The following TBC1D32 variants were observed in gnomAD, a reference collection of about 807,000 sequenced individuals.
TBC1D32 encodes protein broad-minded.
TBC1D32 carries 151 observed loss-of-function variants against 170.3 expected under a neutral mutation model. The observed-to-expected ratio is 0.89, with a 90% CI of 0.78 to 1.01. The LOEUF (loss-of-function observed/expected upper bound fraction) is 1.01, where lower values mean the gene tolerates loss of function less well. TBC1D32 is among the 50% of genes least tolerant of loss of function. TBC1D32 has a pLI of 0.00. For missense variants in TBC1D32, 1,464 were observed against 1,457.1 expected (o/e 1.00, Z -0.08); for synonymous variants, 498 against 488.0 (o/e 1.02, Z -0.27).
At chr6:121,140,449 G>A (rs962637724) in intron 24 of TBC1D32, among the ~76,000 whole-genome samples, 6 of 151,638 alleles carry the variant, frequency 4.0e-5, no homozygotes, top group Admixed American at 3.3e-4. Context: ...TAAAAGTATT[G>A]GAATGATCTG....
At chr6:121,169,244 G>C (rs1450975720) in intron 22 of TBC1D32, among the ~76,000 whole-genome samples, 2 of 152,090 alleles carry the variant, frequency 1.3e-5, no homozygotes, top group Non-Finnish European at 2.9e-5. Flanking sequence ...GAACAGAATA[G>C]AGAACCTAGA....
intron 20 of TBC1D32, among the ~76,000 whole-genome samples, chr6:121,230,732 T>G (rs1348131622): frequency 6.6e-6 from 1 of 151,920 alleles, no homozygotes; most frequent in Non-Finnish European, 1.5e-5. Context: ...TTTAGTTATT[T>G]AATTTATTTT....
chr6:121,321,698 C>A lies in TBC1D32; in HGVS notation c.252G>T (p.Gln84His), dbSNP rs1178546026. ...CTGTATCATAGCCGCATTCTTCACCCTGATTCCGATCAGATGTGCATTTTT... is the reference window on the plus strand; with the variant it reads ...CTGTATCATAGCCGCATTCTTCACCATGATTCCGATCAGATGTGCATTTTT... ...EMEKCTSDRN[Q>H]GEECGYDTVV... The change falls in exon 2 of 32, where the codon CAG (glutamine) becomes CAT (histidine). Residue 84 changes from glutamine to histidine, a missense_variant. Physicochemically the swap from Gln to His is conservative, Grantham distance 24 (BLOSUM62 0). Coordinates refer to ENST00000398212, the MANE Select transcript of TBC1D32 (RefSeq NM_152730.6). 4 of 1,613,954 alleles carry A rather than the reference C, an allele frequency of 2.5e-6. No homozygotes were observed. In the African/African-American group the frequency reaches 5.3e-5, roughly 22 times the overall value.
chr6:121,115,479 T>C (rs1425483510), intron 26 of TBC1D32: 6 of 337,188 alleles, frequency 1.8e-5, no homozygotes, highest in South Asian at 1.9e-4. Context: ...TACATAACAA[T>C]AGTAGTTTTA....
At chr6:121,168,743 C>T (rs1786511127) in intron 22 of TBC1D32, among the ~76,000 whole-genome samples, 1 of 102,852 alleles carries the variant, frequency 9.7e-6, no homozygotes, top group African/African-American at 3.3e-5. Flanking sequence ...AATCAACATG[C>T]AAAAATCGCT....
At chr6:121,093,507 GA>G (rs1462512342) in intron 30 of TBC1D32, among the ~76,000 whole-genome samples, 1 of 152,098 alleles carries the variant, frequency 6.6e-6, no homozygotes, top group Non-Finnish European at 1.5e-5. Context: ...ATTCGAGAAT[GA>G]AAATAAATAC....
At chr6:121,220,263 C>A (rs528846742) in intron 21 of TBC1D32, among the ~76,000 whole-genome samples, 1 of 152,202 alleles carries the variant, frequency 6.6e-6, no homozygotes, top group South Asian at 2.1e-4. Context: ...AGAAAAAGTT[C>A]TTTAAGGAAA....
intron 3 of TBC1D32, among the ~76,000 whole-genome samples, chr6:121,312,364 T>A (rs978454361): frequency 6.6e-6 from 1 of 152,194 alleles, no homozygotes; most frequent in Admixed American, 6.5e-5. Flanking sequence ...GTAATTTTTT[T>A]AAGTGCTACA....
Position 121,303,671 on chromosome 6 carries a change from C to A in TBC1D32, c.1026G>T (p.Pro342=), listed in dbSNP as rs374800522. The A allele has an allele frequency of 2.5e-6, 4 of 1,596,852 alleles. No homozygotes were observed. The highest frequency in any genetic ancestry group is 2.7e-5 in the African/African-American group (2 of 74,796). ...SHVVSQKILD[P]IYFFALVDTK... ...TATCAACTAATGCAAAAAAGTAGATCGGATCCAAAATCTTTTGTGAGACAA... is the reference window on the plus strand; with the variant it reads ...TATCAACTAATGCAAAAAAGTAGATAGGATCCAAAATCTTTTGTGAGACAA... The change falls in exon 9 of 32, where the codon CCG becomes CCT. Residue 342 remains proline, a synonymous_variant. Coordinates refer to ENST00000398212, the MANE Select transcript of TBC1D32 (RefSeq NM_152730.6).
chr6:121,279,809 T>C (rs1802740628), intron 14 of TBC1D32, among the ~76,000 whole-genome samples: 1 of 151,948 alleles, frequency 6.6e-6, no homozygotes, highest in Non-Finnish European at 1.5e-5. Context: ...AGTACTAAAA[T>C]ACCTTTGCCA....
chr6:121,136,933 A>G (rs1184847799), intron 24 of TBC1D32, among the ~76,000 whole-genome samples: 1 of 152,116 alleles, frequency 6.6e-6, no homozygotes, highest in Admixed American at 6.5e-5. Flanking sequence ...ATAGTTCATA[A>G]TTAGTTATAA....
At chr6:121,241,436 T>C in intron 19 of TBC1D32, 29 bp downstream of exon 19, 1 of 1,567,506 alleles carries the variant, frequency 6.4e-7, no homozygotes, top group Non-Finnish European at 8.7e-7. Flanking sequence ...TTAAAATAAT[T>C]ATAATTCTAA....
intron 21 of TBC1D32, among the ~76,000 whole-genome samples, chr6:121,212,450 C>CTTTT: frequency 9.8e-6 from 1 of 102,104 alleles, no homozygotes; most frequent in Non-Finnish European, 2.1e-5. Context: ...GTCAATATCT[C>CTTTT]TTTTTTTTTT....
chr6:121,230,672 C>CGTGTATATATACACATGT (rs1795628268), intron 20 of TBC1D32, among the ~76,000 whole-genome samples: 1 of 151,224 alleles, frequency 6.6e-6, no homozygotes, highest in South Asian at 2.1e-4. Flanking sequence ...TATACACACA[C>CGTGTATATATACACATGT]GTGTATATAT....
At chr6:121,101,376 A>C (rs1778037172) in intron 30 of TBC1D32, among the ~76,000 whole-genome samples, 1 of 152,102 alleles carries the variant, frequency 6.6e-6, no homozygotes, top group African/African-American at 2.4e-5. Context: ...GCAAATCAAA[A>C]AGTTGATCCA....
chr6:121,294,827 A>T (rs538517850), intron 10 of TBC1D32, among the ~76,000 whole-genome samples, 167 bp from the exon 11 acceptor site: 29 of 152,328 alleles, frequency 1.9e-4, no homozygotes, highest in Admixed American at 1.4e-3. Flanking sequence ...TTACATTTTA[A>T]CTATGGCATC....
chr6:121,274,119 G>A (rs1801894631), intron 15 of TBC1D32, among the ~76,000 whole-genome samples: 1 of 152,154 alleles, frequency 6.6e-6, no homozygotes. Context: ...CAGATCATGA[G>A]GTCGGGAGGT....
chr6:121,230,919 A>G (rs953918111), intron 20 of TBC1D32, among the ~76,000 whole-genome samples: 3 of 151,996 alleles, frequency 2.0e-5, no homozygotes, highest in African/African-American at 7.3e-5. Context: ...CCCAGTGTGT[A>G]GTCTCTTATC....
At chr6:121,268,566 G>C (rs1293539731) in intron 15 of TBC1D32, among the ~76,000 whole-genome samples, 1 of 152,052 alleles carries the variant, frequency 6.6e-6, no homozygotes, top group African/African-American at 2.4e-5. Context: ...TAGAGAAAAG[G>C]ACTAAAAAGA....
Sources: gnomAD v4.1 joint callset for allele counts (sites outside exome capture counted in the v4.1 genomes callset) on GRCh38, gnomAD v4.1.1 for gene constraint, MANE v1.5 for transcripts, NCBI Gene and HGNC (gene_info 2026-07-23, HGNC 2026-07-21) for gene names.